The following ANO4 variants were observed in gnomAD, a reference collection of about 807,000 sequenced individuals.
The protein encoded by ANO4 is anoctamin-4.
A neutral mutation model predicts 141.9 loss-of-function variants in ANO4; 69 were observed. The ratio of observed to expected loss-of-function variants is 0.49; its 90% confidence interval spans 0.40 to 0.59. ANO4 has a LOEUF of 0.59. ANO4 is among the 20% of genes least tolerant of loss of function. The pLI is 0.00. For missense variants in ANO4, 894 were observed against 1,162.2 expected (o/e 0.77, Z 3.36); for synonymous variants, 350 against 394.3 (o/e 0.89, Z 1.33).
At chr12:100,717,322 G>C (rs1322131127), upstream of ANO4, among the ~76,000 whole-genome samples, 2 of 151,362 alleles carry the variant, frequency 1.3e-5, no homozygotes, top group Admixed American at 1.3e-4. Flanking sequence ...CCGCTCTCGC[G>C]GCGCAGCCCG....
At chr12:101,040,335 G>T (rs111433510) in intron 11 of ANO4, among the ~76,000 whole-genome samples, 2,364 of 152,328 alleles carry the variant, frequency 0.016, 29 homozygotes, top group Non-Finnish European at 0.025. Context: ...GATCAGCCAG[G>T]CCTGTCACAA....
Position 101,043,427 on chromosome 12 carries a change from A to T in ANO4, c.1155-112A>T. On this transcript the variant is annotated intron_variant, in intron 12 of 27. Transcript: ENST00000392977. ...TAACAGATAAAGCTAAGATGCTTCT[A>T]AGGGCAAACATTTAACCTACTGGAT... 5 of 726,264 alleles carry T rather than the reference A, an allele frequency of 6.9e-6. No individual in the cohort carries two copies. In the South Asian group the frequency reaches 8.9e-5, roughly 13 times the overall value. The allele number at this position is 726,264 out of a possible 1,614,324, so 45.0% of individuals were successfully genotyped here.
At chr12:101,090,948 G>A (rs2049744409) in intron 17 of ANO4, among the ~76,000 whole-genome samples, 1 of 152,142 alleles carries the variant, frequency 6.6e-6, no homozygotes, top group African/African-American at 2.4e-5. Context: ...AGCATAGGGA[G>A]TGGCAAAAGT....
chr12:100,819,045 ATG>A (rs1355546292), intron 1 of ANO4, among the ~76,000 whole-genome samples: 1 of 146,724 alleles, frequency 6.8e-6, no homozygotes, highest in Non-Finnish European at 1.5e-5. Flanking sequence ...GTATATATAT[ATG>A]TGTATATATA....
intron 17 of ANO4, 146 bp downstream of exon 17, chr12:101,086,970 A>G: frequency 1.1e-6 from 1 of 938,780 alleles, no homozygotes; most frequent in South Asian, 1.8e-5. Context: ...GCCTGGCATG[A>G]AGATGCACTT....
At chr12:100,975,887 G>A (rs1165465259) in intron 7 of ANO4, among the ~76,000 whole-genome samples, 3 of 134,790 alleles carry the variant, frequency 2.2e-5, no homozygotes, top group African/African-American at 8.4e-5. Flanking sequence ...AACATATGCA[G>A]ATGTATAGCC....
rs189478179 is a variant in ANO4, at chr12:100,751,829, A to G, written c.358+11724A>G. Among the ~76,000 whole-genome samples, 700 of 152,288 alleles carry G rather than the reference A, an allele frequency of 4.6e-3. 5 individuals carry two copies. The highest frequency in any genetic ancestry group is 8.0e-3 in the Non-Finnish European group (544 of 68,022). ...GGCAAAGGACACTATTAGGGGGTGTATAAAGAGGGCATTTAATTTGGATTT... is the reference window on the plus strand; with the variant it reads ...GGCAAAGGACACTATTAGGGGGTGTGTAAAGAGGGCATTTAATTTGGATTT... On this transcript the variant is annotated intron_variant, in intron 3 of 29. Coordinates refer to the ANO4 transcript ENST00000644049.
At chr12:101,099,148 T>G (rs2050097110) in intron 21 of ANO4, among the ~76,000 whole-genome samples, 1 of 152,154 alleles carries the variant, frequency 6.6e-6, no homozygotes, top group South Asian at 2.1e-4. Context: ...TTTTGTGGGT[T>G]TGCAGATCTT....
At chr12:100,874,436 G>C (rs1293037913) in intron 1 of ANO4, among the ~76,000 whole-genome samples, 1 of 152,250 alleles carries the variant, frequency 6.6e-6, no homozygotes, top group East Asian at 1.9e-4. Context: ...CTAAGGCCTT[G>C]GGAGCCTAGC....
intron 1 of ANO4, among the ~76,000 whole-genome samples, chr12:100,838,279 A>T (rs888800953): frequency 6.6e-6 from 1 of 151,070 alleles, no homozygotes; most frequent in Non-Finnish European, 1.5e-5. Context: ...ACCTGCTGCT[A>T]TAAGACTGTA....
chr12:100,918,659 TAAAC>T (rs982886785), intron 2 of ANO4, among the ~76,000 whole-genome samples: 1 of 152,230 alleles, frequency 6.6e-6, no homozygotes, highest in African/African-American at 2.4e-5. Context: ...GATGCCGGTG[TAAAC>T]AAACCTACTG....
chr12:101,033,543 A>G (rs2047070089), intron 9 of ANO4, among the ~76,000 whole-genome samples: 2 of 152,300 alleles, frequency 1.3e-5, no homozygotes, highest in East Asian at 3.9e-4. Context: ...AAACCCTAGA[A>G]GAAAACCTAG....
At chr12:100,745,969 A>G (rs1212494162) in intron 3 of ANO4, among the ~76,000 whole-genome samples, 4 of 152,000 alleles carry the variant, frequency 2.6e-5, no homozygotes, top group Admixed American at 1.3e-4. Flanking sequence ...AGTAGTAATG[A>G]TAGAGGCTGG....
At chr12:100,802,390 C>T (rs1037432755) in intron 1 of ANO4, among the ~76,000 whole-genome samples, 7 of 152,058 alleles carry the variant, frequency 4.6e-5, no homozygotes, top group African/African-American at 1.7e-4. Flanking sequence ...TCCCTCCTTT[C>T]TTTTTCCTAA....
At chr12:101,105,341 C>A (rs1188293774) in intron 22 of ANO4, among the ~76,000 whole-genome samples, 2 of 152,122 alleles carry the variant, frequency 1.3e-5, no homozygotes, top group Non-Finnish European at 2.9e-5. Context: ...CAAATTTGTT[C>A]CTAAAGAACT....
chr12:101,024,192 A>G (rs915324687), intron 9 of ANO4, among the ~76,000 whole-genome samples: 1 of 152,230 alleles, frequency 6.6e-6, no homozygotes, highest in Non-Finnish European at 1.5e-5. Flanking sequence ...ATTGATTTGT[A>G]TTTTTGAATT....
At chr12:100,978,635 A>T (rs775896508) in intron 7 of ANO4, among the ~76,000 whole-genome samples, 1 of 152,184 alleles carries the variant, frequency 6.6e-6, no homozygotes, top group East Asian at 1.9e-4. Flanking sequence ...TGCCCCCTGG[A>T]TGGATAAAAA....
Position 101,099,609 on chromosome 12 carries a change from G to A in ANO4, c.2038G>A (p.Val680Ile), listed in dbSNP as rs760557996. The change falls in exon 22 of 28, where the codon GTA (valine) becomes ATA (isoleucine). Residue 680 changes from valine to isoleucine, a missense_variant. Around this residue, in one of 2 missense-constraint regions of ANO4, gnomAD observed 637 missense variants for 909.2 expected, o/e 0.70. Transcript: ENST00000392977. ...LIQNWWTRRK[V>I]RQEHGPERKI... is the part of the protein sequence containing the mutation. ...TCAGAATTGGTGGACTAGAAGAAAAGTACGACAAGAACATGGACCTGAAAG... is the reference window on the plus strand; with the variant it reads ...TCAGAATTGGTGGACTAGAAGAAAAATACGACAAGAACATGGACCTGAAAG... 7 of 1,603,496 alleles carry A rather than the reference G, an allele frequency of 4.4e-6. No individual in the cohort carries two copies. The highest frequency in any genetic ancestry group is 1.8e-5 in the Admixed American group (1 of 56,874).
intron 1 of ANO4, among the ~76,000 whole-genome samples, chr12:100,866,032 C>T (rs369759819): frequency 1.3e-5 from 2 of 152,152 alleles, no homozygotes; most frequent in African/African-American, 4.8e-5. Context: ...AGAAGCCACA[C>T]GGCAGGGGAG....
Sources: allele counts gnomAD v4.1 joint callset (sites outside exome capture counted in the v4.1 genomes callset), GRCh38; gene constraint gnomAD v4.1.1; regional missense constraint gnomAD v4.1.1; transcripts MANE v1.5; gene names NCBI Gene and HGNC (gene_info 2026-07-23, HGNC 2026-07-21).